The following FANCA variants were observed in gnomAD, a reference collection of about 807,000 sequenced individuals.
FANCA encodes the protein Fanconi anemia group A protein.
Under a neutral mutation model 194.3 loss-of-function variants are expected in FANCA, and 236 were observed. The ratio of observed to expected loss-of-function variants is 1.21; its 90% CI spans 1.09 to 1.35. The LOEUF (loss-of-function observed/expected upper bound fraction) is 1.35. Ranked by LOEUF, FANCA falls within the 40% of genes most tolerant of loss-of-function variation. The pLI, the probability that FANCA is intolerant of heterozygous loss-of-function variation, is 0.00. For synonymous variants in FANCA, 1,014 were observed against 715.8 expected, an observed-to-expected ratio of 1.42 and a Z score of -6.65; for missense variants, 2,628 against 1,813.9, an observed-to-expected ratio of 1.45 and a Z score of -8.15.
intron 31 of FANCA, 41 bp from the exon 32 acceptor site, chr16:89,749,943 C>T (rs776834685): frequency 6.2e-7 from 1 of 1,610,528 alleles, no homozygotes; most frequent in East Asian, 2.2e-5. Context: ...GGCCTCGGGG[C>T]TCACTGCCCA....
At chr16:89,754,634 G>A (rs2038710187) in intron 30 of FANCA, among the ~76,000 whole-genome samples, 1 of 152,140 alleles carries the variant, frequency 6.6e-6, no homozygotes, top group South Asian at 2.1e-4. Context: ...CTCCCAAAGT[G>A]CTGGGATTAC....
At chr16:89,763,115 C>T (rs909980491) in intron 28 of FANCA, among the ~76,000 whole-genome samples, 4 of 151,782 alleles carry the variant, frequency 2.6e-5, no homozygotes, top group South Asian at 2.1e-4. Flanking sequence ...GGCGCGGTGG[C>T]GTGCACCTGT....
chr16:89,803,160 A>C, intron 8 of FANCA, 99 bp downstream of exon 8: 1 of 1,170,572 alleles, frequency 8.5e-7, no homozygotes, highest in South Asian at 1.2e-5. Flanking sequence ...AAATAGGTAC[A>C]AACAGCACGT....
chr16:89,739,814 G>C (rs1034118955), intron 39 of FANCA, 180 bp downstream of exon 39: 1 of 1,466,062 alleles, frequency 6.8e-7, no homozygotes, highest in African/African-American at 1.4e-5. Flanking sequence ...GGGTTGACCA[G>C]TGAGCCAGTA....
chr16:89,759,469 G>T (rs959860472), intron 29 of FANCA, among the ~76,000 whole-genome samples: 1 of 151,798 alleles, frequency 6.6e-6, no homozygotes, highest in African/African-American at 2.4e-5. Flanking sequence ...GGGGCTCAAG[G>T]AGACACTGAC....
At chr16:89,748,907 C>G in intron 32 of FANCA, 140 bp from the exon 33 acceptor site, 1 of 729,514 alleles carries the variant, frequency 1.4e-6, no homozygotes. Flanking sequence ...CTGTGTCCCT[C>G]TGTCCCATCC....
chr16:89,762,071 T>C (rs1395051192), intron 28 of FANCA, 49 bp from the exon 29 acceptor site: 1 of 1,421,322 alleles, frequency 7.0e-7, no homozygotes, highest in Non-Finnish European at 1.0e-6. Context: ...GAACACACAA[T>C]CCACCGACAG....
intron 15 of FANCA, 32 bp from the exon 16 acceptor site, chr16:89,783,134 A>C: frequency 6.5e-7 from 1 of 1,549,348 alleles, no homozygotes; most frequent in Non-Finnish European, 8.9e-7. Flanking sequence ...CAGCACCGTT[A>C]GTCTGGGAAC....
In FANCA at chr16:89,779,880, G is replaced by C. The variant is rs914213734; in HGVS notation, c.1704C>G (p.Val568=). The change falls in exon 18 of 43, where the codon GTC becomes GTG. Residue 568 remains valine, a synonymous_variant. Transcript: ENST00000389301. The stretch of plus-strand genomic sequence containing the variant: ...GCAGCCCAGCCTACCTGGCCTCCAT[G>C]ACGGTGACTGGGATGTTCCCCGTAT... ...FEHTGNIPVT[V]MEASIFRRPY... 6.2e-7 allele frequency: 1 copy of C among 1,613,758 alleles called. No individual in the cohort carries two copies. Among genetic ancestry groups the C allele is most frequent in the Non-Finnish European group, 8.5e-7 (1 of 1,180,018 alleles).
chr16:89,791,553 A>C lies in FANCA; in HGVS notation c.1226-17T>G. On this transcript the variant is annotated splice_polypyrimidine_tract_variant and intron_variant, in intron 13 of 42. Transcript: ENST00000389301. ...CCACCCAGTCTAGTTAAGAACCATG[A>C]CATAGTCACAGCAAGGCAAGGGCAG... 6.2e-7 allele frequency: 1 copy of C among 1,613,846 alleles called. No individual in the cohort carries two copies. The highest frequency in any genetic ancestry group is 8.5e-7 in the Non-Finnish European group (1 of 1,179,996).
At chr16:89,795,850 G>C in intron 11 of FANCA, 56 bp downstream of exon 11, 1 of 1,302,456 alleles carries the variant, frequency 7.7e-7, no homozygotes, top group Non-Finnish European at 1.1e-6. Context: ...AAGGCAACAA[G>C]GCAACAGCAA....
chr16:89,816,602 C>T lies in FANCA; in HGVS notation c.14G>A (p.Trp5Ter), dbSNP rs2041143697. MSDS[W>*]VPNSASGQDP... ...CTGGCCCGAGGCGGAGTTCGGGACC[C>T]ACGAGTCGGACATGGCCTTGGCGCC... The change falls in exon 1 of 43, where the codon TGG (tryptophan) becomes TAG (stop). Residue 5 changes from tryptophan to a stop codon, truncating the protein, a stop_gained. Coordinates refer to ENST00000389301, the MANE Select transcript of FANCA (RefSeq NM_000135.4). LOFTEE classifies it high-confidence loss of function. 2 of 1,526,446 alleles carry T rather than the reference C, an allele frequency of 1.3e-6. No individual in the cohort carries two copies. The highest frequency in any genetic ancestry group is 8.7e-7 in the Non-Finnish European group (1 of 1,144,796). The allele number at this position is 1,526,446 out of a possible 1,614,324, so 94.6% of individuals were successfully genotyped here. A position where few individuals can be genotyped will look rare whatever the true frequency, so the allele number is the denominator to read the frequency against.
Position 89,738,325 on chromosome 16 carries a change from G to A in FANCA, c.*276C>T, listed in dbSNP as rs1012078925. 51 of 1,508,902 alleles carry A rather than the reference G, an allele frequency of 3.4e-5. No individual in the cohort carries two copies. Among genetic ancestry groups the A allele is most frequent in the South Asian group, 7.5e-5 (6 of 79,622 alleles). The allele number at this position is 1,508,902 out of a possible 1,614,324, so 93.5% of individuals were successfully genotyped here. A position where few individuals can be genotyped will look rare whatever the true frequency, so the allele number is the denominator to read the frequency against. On this transcript the variant is annotated 3_prime_UTR_variant, in exon 43 of 43. Coordinates refer to ENST00000389301, the MANE Select transcript of FANCA (RefSeq NM_000135.4). ...TCAGCCTCACCCTTCGTGTGCACCC[G>A]CATGGGAGGGTCGGAGGGTGCTGCC...
At chr16:89,813,653 C>A (rs1003651229) in intron 3 of FANCA, among the ~76,000 whole-genome samples, 1 of 152,090 alleles carries the variant, frequency 6.6e-6, no homozygotes, top group Non-Finnish European at 1.5e-5. Context: ...AGGCTCGTCT[C>A]GAATCCTGAC....
Position 89,770,265 on chromosome 16 carries a change from G to T in FANCA, c.2223-6C>A, listed in dbSNP as rs759682612. 1.3e-6 allele frequency: 2 copies of T among 1,568,424 alleles called. No homozygotes were observed. Among genetic ancestry groups the T allele is most frequent in the Non-Finnish European group, 1.7e-6 (2 of 1,156,366 alleles). ...GGGCAGCCCAGGGACCCTGCCTGCA[G>T]AGACAGCCGTGAAACCATCAGTACT... On this transcript the variant is annotated splice_region_variant and splice_polypyrimidine_tract_variant and intron_variant, in intron 24 of 42. Transcript: ENST00000389301.
chr16:89,780,080 G>A (rs370669235), intron 17 of FANCA, 123 bp from the exon 18 acceptor site: 1 of 887,288 alleles, frequency 1.1e-6, no homozygotes. Flanking sequence ...TAAAGGTAAA[G>A]GCCCACATGC....
intron 29 of FANCA, among the ~76,000 whole-genome samples, chr16:89,759,625 G>C (rs2038882046): frequency 6.6e-6 from 1 of 152,086 alleles, no homozygotes; most frequent in Non-Finnish European, 1.5e-5. Flanking sequence ...GCTGGGCATA[G>C]TAGTGCCCAC....
intron 27 of FANCA, among the ~76,000 whole-genome samples, chr16:89,765,526 T>C (rs1357748900): frequency 6.6e-6 from 1 of 152,264 alleles, no homozygotes; most frequent in African/African-American, 2.4e-5. Flanking sequence ...GGAAGCAGAA[T>C]TGCAGGAACA....
At chr16:89,766,081 T>C (rs923233735) in intron 27 of FANCA, among the ~76,000 whole-genome samples, 3 of 151,690 alleles carry the variant, frequency 2.0e-5, no homozygotes, top group Admixed American at 6.6e-5. Flanking sequence ...ACTGCAACCT[T>C]TGCCTCCCTG....
Sources: allele counts gnomAD v4.1 joint callset (sites outside exome capture counted in the v4.1 genomes callset), GRCh38; gene constraint gnomAD v4.1.1; transcripts MANE v1.5; gene names NCBI Gene and HGNC (gene_info 2026-07-23, HGNC 2026-07-21).